Variants in GALNT13 observed in about 807,000 individuals in gnomAD.
GALNT13 encodes the protein polypeptide N-acetylgalactosaminyltransferase 13.
In GALNT13, 28 loss-of-function variants were observed where a neutral mutation model predicts 64.2. The observed-to-expected ratio is 0.44, with a 90% CI of 0.32 to 0.60. The LOEUF (loss-of-function observed/expected upper bound fraction) is 0.60, where lower values mean the gene tolerates loss of function less well. Among genes scored for constraint, GALNT13 ranks in the 20% least tolerant of loss-of-function variants. The pLI is 0.05. For synonymous variants in GALNT13, 214 were observed against 224.6 expected, an observed-to-expected ratio of 0.95 and a Z score of 0.42; for missense variants, 577 against 669.8, an observed-to-expected ratio of 0.86 and a Z score of 1.53.
the GALNT13 span, among the ~76,000 whole-genome samples, chr2:153,768,752 A>G: frequency 6.6e-6 from 1 of 152,082 alleles, no homozygotes; most frequent in Non-Finnish European, 1.5e-5. Context: ...TGTAGTCCCA[A>G]CTACTCGGAA....
chr2:153,687,546 C>A, the GALNT13 span, among the ~76,000 whole-genome samples: 1 of 151,750 alleles, frequency 6.6e-6, no homozygotes, highest in Non-Finnish European at 1.5e-5. Flanking sequence ...ATATTTATCT[C>A]TTCCGTAGAA....
the GALNT13 span, among the ~76,000 whole-genome samples, chr2:153,372,644 CAA>C: frequency 1.5e-5 from 2 of 130,118 alleles, no homozygotes. Flanking sequence ...GACTCTGTCT[CAA>C]AAAAAAAAAA....
At chr2:154,120,680 G>T (rs1178486648) in intron 3 of GALNT13, among the ~76,000 whole-genome samples, 1 of 152,094 alleles carries the variant, frequency 6.6e-6, no homozygotes, top group Admixed American at 6.6e-5. Context: ...ATATACAGAG[G>T]TGGGAGTCTT....
At chr2:154,243,933 A>G (rs940622741) in intron 6 of GALNT13, among the ~76,000 whole-genome samples, 1 of 152,210 alleles carries the variant, frequency 6.6e-6, no homozygotes, top group Non-Finnish European at 1.5e-5. Flanking sequence ...AAAATGAAGC[A>G]CAGCAGTTGA....
the GALNT13 span, among the ~76,000 whole-genome samples, chr2:153,342,433 C>T: frequency 5.9e-5 from 9 of 152,174 alleles, no homozygotes; most frequent in African/African-American, 1.9e-4. Context: ...TAAAGAGTTT[C>T]CTAATGAGCA....
At chr2:153,595,292 A>C in the GALNT13 span, among the ~76,000 whole-genome samples, 1 of 150,292 alleles carries the variant, frequency 6.7e-6, no homozygotes, top group South Asian at 2.2e-4. Flanking sequence ...GATAATAGAG[A>C]CCACGTGCCA....
chr2:153,677,036 G>A, the GALNT13 span, among the ~76,000 whole-genome samples: 1 of 151,878 alleles, frequency 6.6e-6, no homozygotes, highest in Non-Finnish European at 1.5e-5. Flanking sequence ...GAGAAATCAG[G>A]CAAGATAAAG....
At chr2:153,655,516 C>T in the GALNT13 span, among the ~76,000 whole-genome samples, 1 of 151,964 alleles carries the variant, frequency 6.6e-6, no homozygotes, top group African/African-American at 2.4e-5. Flanking sequence ...TAAATCGATC[C>T]AAACCAATGA....
the GALNT13 span, among the ~76,000 whole-genome samples, chr2:153,840,687 G>T: frequency 6.6e-6 from 1 of 152,112 alleles, no homozygotes; most frequent in Non-Finnish European, 1.5e-5. Flanking sequence ...ATCTTTAAAA[G>T]CTGTGTGGTG....
At chr2:153,735,629 T>C in the GALNT13 span, among the ~76,000 whole-genome samples, 145 of 152,266 alleles carry the variant, frequency 9.5e-4, no homozygotes, top group Non-Finnish European at 1.6e-3. Flanking sequence ...CAATCCTGGA[T>C]CATGTGCCAC....
At chr2:153,457,355 T>A in the GALNT13 span, among the ~76,000 whole-genome samples, 1 of 152,236 alleles carries the variant, frequency 6.6e-6, no homozygotes, top group Admixed American at 6.5e-5. Flanking sequence ...AGAGAACAGA[T>A]ATAGCTAATA....
the GALNT13 span, among the ~76,000 whole-genome samples, chr2:153,689,246 G>A: frequency 3.3e-5 from 5 of 152,070 alleles, no homozygotes; most frequent in East Asian, 1.9e-4. Context: ...TCATTCAGAT[G>A]TGTATGTCGA....
the GALNT13 span, among the ~76,000 whole-genome samples, chr2:153,820,265 G>A: frequency 6.6e-6 from 1 of 152,136 alleles, no homozygotes; most frequent in Non-Finnish European, 1.5e-5. Context: ...CAAATTATTG[G>A]CATCCCTGGG....
At chr2:153,268,596 C>T in the GALNT13 span, among the ~76,000 whole-genome samples, 1 of 152,162 alleles carries the variant, frequency 6.6e-6, no homozygotes, top group Non-Finnish European at 1.5e-5. Flanking sequence ...AGAAAATGAC[C>T]CAGTGGGGAC....
chr2:153,356,512 GCCAATTTTTGTT>G, the GALNT13 span: 1 of 152,158 alleles, frequency 6.6e-6, no homozygotes, highest in Non-Finnish European at 1.5e-5. Flanking sequence ...TCAATGACTG[GCCAATTTTTGTT>G]CTATCTCCTA....
chr2:153,629,465 A>G, the GALNT13 span, among the ~76,000 whole-genome samples: 1 of 152,084 alleles, frequency 6.6e-6, no homozygotes, highest in Non-Finnish European at 1.5e-5. Context: ...CTGAAACTGG[A>G]TCCCTTCCTT....
chr2:153,576,150 A>T, the GALNT13 span, among the ~76,000 whole-genome samples: 1 of 148,560 alleles, frequency 6.7e-6, no homozygotes, highest in African/African-American at 2.5e-5. Flanking sequence ...TGCCCTCCCC[A>T]CTCTTTCCTC....
At chr2:153,806,215 A>G in the GALNT13 span, among the ~76,000 whole-genome samples, 1 of 152,130 alleles carries the variant, frequency 6.6e-6, no homozygotes, top group Non-Finnish European at 1.5e-5. Flanking sequence ...AAAGCTATCA[A>G]AGATTACTAG....
At chr2:153,814,357 G>A in the GALNT13 span, among the ~76,000 whole-genome samples, 2 of 152,102 alleles carry the variant, frequency 1.3e-5, no homozygotes, top group Admixed American at 6.5e-5. Flanking sequence ...GGAGAATGGC[G>A]TGAACCCGGG....
Sources: gnomAD v4.1 joint callset for allele counts (sites outside exome capture counted in the v4.1 genomes callset) on GRCh38, gnomAD v4.1.1 for gene constraint, MANE v1.5 for transcripts, NCBI Gene and HGNC (gene_info 2026-07-23, HGNC 2026-07-21) for gene names.